The following FGD6 variants were observed in gnomAD, a reference collection of about 807,000 sequenced individuals.
FGD6 encodes the protein FYVE, RhoGEF and PH domain-containing protein 6.
In FGD6, 90 loss-of-function variants were observed where a neutral mutation model predicts 149.4. The observed-to-expected ratio is 0.60, with a 90% confidence interval of 0.51 to 0.72. FGD6 has a LOEUF of 0.72. Ranked by LOEUF, FGD6 falls within the 30% of genes least tolerant of loss-of-function variation. The probability of loss-of-function intolerance (pLI) is 0.00; values close to 1 mark genes in which losing one functional copy is unlikely to be tolerated. For synonymous variants in FGD6, 527 were observed against 584.0 expected, an observed-to-expected ratio of 0.90 and a Z score of 1.41; for missense variants, 1,437 against 1,684.8, an observed-to-expected ratio of 0.85 and a Z score of 2.57.
chr12:95,193,254 C>T (rs1881640726), intron 2 of FGD6, among the ~76,000 whole-genome samples: 1 of 152,042 alleles, frequency 6.6e-6, no homozygotes, highest in South Asian at 2.1e-4. Flanking sequence ...GCCCAGATGT[C>T]CTTTAAGTGA....
At chr12:95,199,917 T>C (rs1398400875) in intron 2 of FGD6, among the ~76,000 whole-genome samples, 1 of 152,170 alleles carries the variant, frequency 6.6e-6, no homozygotes, top group East Asian at 1.9e-4. Context: ...CCCTTTCTTC[T>C]TGGGACTGTG....
chr12:95,175,450 G>C (rs995039414), intron 2 of FGD6, among the ~76,000 whole-genome samples: 3 of 152,010 alleles, frequency 2.0e-5, no homozygotes, highest in Non-Finnish European at 4.4e-5. Flanking sequence ...GGATGTAAGA[G>C]GAAGAAAAAT....
intron 1 of FGD6, 129 bp downstream of exon 1, chr12:95,217,096 T>A: frequency 1.4e-6 from 2 of 1,423,302 alleles, no homozygotes; most frequent in South Asian, 2.4e-5. Flanking sequence ...GCTCCGCGCT[T>A]GCCGAGGTGC....
At chr12:95,166,801 T>C (rs1880832192) in intron 3 of FGD6, among the ~76,000 whole-genome samples, 1 of 151,708 alleles carries the variant, frequency 6.6e-6, no homozygotes, top group Admixed American at 6.6e-5. Flanking sequence ...TGTAGGAATA[T>C]AAAGCATTTA....
At chr12:95,087,939 GA>G (rs903560421) in intron 18 of FGD6, among the ~76,000 whole-genome samples, 3 of 151,756 alleles carry the variant, frequency 2.0e-5, no homozygotes, top group East Asian at 3.9e-4. Flanking sequence ...AAAAAAAGAG[GA>G]AAAAAATCCA....
intron 3 of FGD6, among the ~76,000 whole-genome samples, chr12:95,162,654 A>C (rs572836604): frequency 1.2e-4 from 18 of 152,288 alleles, no homozygotes; most frequent in Admixed American, 2.0e-4. Flanking sequence ...TGAAGAAGAG[A>C]AAGACCATAA....
Position 95,083,030 on chromosome 12 carries a change from T to TATATATACACAC in FGD6, c.4256+1467_4256+1468insGTGTGTATATAT, listed in dbSNP as rs772685891. Among the ~76,000 whole-genome samples the TATATATACACAC allele has an allele frequency of 3.7e-3, 211 of 56,564 alleles. 3 individuals are homozygous for TATATATACACAC. The highest frequency in any genetic ancestry group is 5.8e-3 in the Non-Finnish European group (177 of 30,576). The allele number at this position is 56,564 out of a possible 152,430, so 37.1% of individuals were successfully genotyped here. On this transcript the variant is annotated intron_variant, in intron 20 of 20. Transcript: ENST00000343958. ...AAAAAAAAATATATATATATATATATACACACACATACACACACACACACA... is the reference window on the plus strand; with the variant it reads ...AAAAAAAAATATATATATATATATATATATATACACACACACACACATACACACACACACACA...
intron 3 of FGD6, among the ~76,000 whole-genome samples, chr12:95,157,792 A>C (rs375246595): frequency 6.6e-6 from 1 of 152,106 alleles, no homozygotes; most frequent in South Asian, 2.1e-4. Flanking sequence ...TCCTGTTATT[A>C]TTCCTCTTTC....
In FGD6 at chr12:95,152,891, A is replaced by G. The variant is rs865797025; in HGVS notation, c.2654+35T>C. ...ATGTTTTAAATGTGCCAATGGGGGG[A>G]AAACAGTCTTCTGAATTGTAAACTA... On this transcript the variant is annotated intron_variant, in intron 4 of 20. Coordinates refer to ENST00000343958, the MANE Select transcript of FGD6 (RefSeq NM_018351.4). 12 of 1,613,410 alleles carry G rather than the reference A, an allele frequency of 7.4e-6. No individual in the cohort carries two copies. In the Middle Eastern group the frequency reaches 4.9e-4, roughly 66 times the overall value.
In FGD6 at chr12:95,217,226, G is replaced by A. The variant is rs772894712; in HGVS notation, c.15C>T (p.Ala5=). Reference sequence around the variant, plus strand: ...GGCAGCGCGAGCGCCGTCACTTACCGGCTGCAGAAGTCATGATTCCCCGGT... The same window carrying A: ...GGCAGCGCGAGCGCCGTCACTTACCAGCTGCAGAAGTCATGATTCCCCGGT... MTSA[A]EIKKPPVAPK... Residue 5 remains alanine, a splice_region_variant and synonymous_variant, in exon 1 of 21, where the codon GCC becomes GCT. Coordinates refer to ENST00000343958, the MANE Select transcript of FGD6 (RefSeq NM_018351.4). 3.7e-6 allele frequency: 6 copies of A among 1,612,214 alleles called. No homozygotes were observed. Among genetic ancestry groups the A allele is most frequent in the Middle Eastern group, 1.7e-4 (1 of 6,056 alleles).
chr12:95,085,735 C>A (rs760611371), intron 19 of FGD6, 45 bp downstream of exon 19: 2 of 1,556,720 alleles, frequency 1.3e-6, no homozygotes, highest in South Asian at 2.5e-5. Context: ...TTGCAGTTGG[C>A]ATTACAAAAC....
At chr12:95,114,972 C>T (rs1878962512) in intron 8 of FGD6, among the ~76,000 whole-genome samples, 1 of 152,214 alleles carries the variant, frequency 6.6e-6, no homozygotes, top group Non-Finnish European at 1.5e-5. Flanking sequence ...TCCATCCCTT[C>T]CTCTGTCTCG....
At position 95,209,064 on chromosome 12, in the gene FGD6, A is replaced by T; in HGVS notation, c.2220T>A (p.Val740=). ...CATACTCCGGTGCACAGAGGCTTGT[A>T]ACAGACTTGTAAGGTGCCTGAGATG... ...ESSSQAPYKS[V]TSLCAPEYEN... is the part of the protein sequence containing the mutation. Residue 740 remains valine, a synonymous_variant, in exon 2 of 21, where the codon GTT becomes GTA. Coordinates refer to ENST00000343958, the MANE Select transcript of FGD6 (RefSeq NM_018351.4). 1 of 1,614,158 alleles carries T rather than the reference A, an allele frequency of 6.2e-7. No individual in the cohort carries two copies. Among genetic ancestry groups the T allele is most frequent in the Non-Finnish European group, 8.5e-7 (1 of 1,180,016 alleles).
chr12:95,212,367 T>A (rs2056732210), intron 1 of FGD6, among the ~76,000 whole-genome samples: 1 of 152,332 alleles, frequency 6.6e-6, no homozygotes, highest in South Asian at 2.1e-4. Context: ...TTCCTAAACA[T>A]TATATATAAG....
chr12:95,103,675 T>C (rs547172699), intron 14 of FGD6, among the ~76,000 whole-genome samples: 2 of 152,218 alleles, frequency 1.3e-5, no homozygotes, highest in African/African-American at 4.8e-5. Context: ...GCTGGGATCA[T>C]AGGCACATGC....
intron 3 of FGD6, among the ~76,000 whole-genome samples, chr12:95,172,041 G>GGGGA (rs1565915263): frequency 1.2e-4 from 17 of 138,260 alleles, no homozygotes; most frequent in Non-Finnish European, 2.5e-4. Context: ...TCTAAGGGGG[G>GGGGA]GGGGGTTGTT....
chr12:95,169,963 A>G (rs1031293019), intron 3 of FGD6, among the ~76,000 whole-genome samples: 3 of 151,996 alleles, frequency 2.0e-5, no homozygotes, highest in African/African-American at 7.2e-5. Flanking sequence ...TCTATTAAAA[A>G]TACAAAAATT....
At chr12:95,211,727 A>G (rs936465628) in intron 1 of FGD6, among the ~76,000 whole-genome samples, 2 of 151,982 alleles carry the variant, frequency 1.3e-5, no homozygotes, top group Non-Finnish European at 2.9e-5. Context: ...TTTAGTAGAG[A>G]TGGGGTTTCA....
At chr12:95,190,042 T>C (rs183360067) in intron 2 of FGD6, among the ~76,000 whole-genome samples, 7 of 151,814 alleles carry the variant, frequency 4.6e-5, no homozygotes, top group African/African-American at 1.7e-4. Flanking sequence ...ATTTAATACA[T>C]TGAGAAAAGA....
Sources: allele counts gnomAD v4.1 joint callset (sites outside exome capture counted in the v4.1 genomes callset), GRCh38; gene constraint gnomAD v4.1.1; transcripts MANE v1.5; gene names NCBI Gene and HGNC (gene_info 2026-07-23, HGNC 2026-07-21).